The following DNAH9 variants were observed in gnomAD, a reference collection of about 807,000 sequenced individuals.
DNAH9 encodes the protein dynein axonemal heavy chain 9.
Under a neutral mutation model 471.6 loss-of-function variants are expected in DNAH9, and 345 were observed. That is an observed-to-expected ratio of 0.73 (90% CI 0.67 to 0.80). DNAH9 has a LOEUF of 0.80. Among genes scored for constraint, DNAH9 ranks in the 30% least tolerant of loss-of-function variants. DNAH9 has a pLI of 0.00. For missense variants in DNAH9, 5,407 were observed against 5,609.2 expected, an observed-to-expected ratio of 0.96 and a Z score of 1.15; for synonymous variants, 2,093 against 2,123.6, an observed-to-expected ratio of 0.99 and a Z score of 0.40.
rs1377854363 is a variant in DNAH9, at chr17:11,775,915, A to T, written c.7553-5094A>T. Among the ~76,000 whole-genome samples the T allele has an allele frequency of 2.6e-4, 39 of 152,108 alleles. 1 individual carries two copies. The highest frequency in any genetic ancestry group is 2.6e-3 in the Admixed American group (39 of 15,260). On this transcript the variant is annotated intron_variant, in intron 38 of 68. Transcript: ENST00000262442. ...CCAATCAGATGTTCTTTTATAGAGGAGGCAGCTGGCTGATAATACCTGCAT... is the reference window on the plus strand; with the variant it reads ...CCAATCAGATGTTCTTTTATAGAGGTGGCAGCTGGCTGATAATACCTGCAT...
chr17:11,606,316 G>A (rs80208018), intron 1 of DNAH9, among the ~76,000 whole-genome samples: 5,903 of 151,804 alleles, frequency 0.039, 393 homozygotes, highest in African/African-American at 0.13. Flanking sequence ...TTTATATATT[G>A]GTAGCTTCCT....
chr17:11,829,365 T>A (rs1182259447), intron 48 of DNAH9, among the ~76,000 whole-genome samples: 1 of 152,220 alleles, frequency 6.6e-6, no homozygotes, highest in African/African-American at 2.4e-5. Flanking sequence ...GACAAATCTA[T>A]TTAGCAATGA....
At position 11,626,832 on chromosome 17, in the gene DNAH9, C is replaced by T. The variant is rs2072978569; in HGVS notation, c.1351-2585C>T. 6.6e-6 allele frequency among the ~76,000 whole-genome samples: 1 copy of T among 152,026 alleles called. No individual in the cohort carries two copies. Among genetic ancestry groups the T allele is most frequent in the Non-Finnish European group, 1.5e-5 (1 of 68,020 alleles). ...TCAGGGTTCCTAGCTCCTCTATCAC[C>T]TTGCTGCTTTTTTTTCTGGAAGTAT... On this transcript the variant is annotated intron_variant, in intron 6 of 68. Coordinates refer to ENST00000262442, the MANE Select transcript of DNAH9 (RefSeq NM_001372.4). The surrounding 1 kb of genome is among the most constrained non-coding windows in gnomAD (Gnocchi z 4.3).
chr17:11,938,470 C>A (rs8075815), intron 66 of DNAH9, among the ~76,000 whole-genome samples: 40,557 of 111,836 alleles, frequency 0.36, 6,718 homozygotes, highest in Middle Eastern at 0.46. Flanking sequence ...AAAAAAAAAA[C>A]AAAAAAAGAA....
At chr17:11,702,812 G>A (rs2074624358) in intron 24 of DNAH9, among the ~76,000 whole-genome samples, 1 of 152,190 alleles carries the variant, frequency 6.6e-6, no homozygotes, top group Admixed American at 6.5e-5. Context: ...ATTCACAGTG[G>A]CTGGGCGTGA....
At chr17:11,656,897 T>C (rs2073661811) in intron 14 of DNAH9, among the ~76,000 whole-genome samples, 1 of 152,158 alleles carries the variant, frequency 6.6e-6, no homozygotes, top group African/African-American at 2.4e-5. Flanking sequence ...TTGAGATTTA[T>C]CCATATTGTT....
At chr17:11,621,641 G>T (rs1313754044) in intron 6 of DNAH9, among the ~76,000 whole-genome samples, 1 of 152,162 alleles carries the variant, frequency 6.6e-6, no homozygotes, top group African/African-American at 2.4e-5. Flanking sequence ...GCTAGGAACT[G>T]AGATACAAAG....
chr17:11,733,939 G>A (rs968133734), intron 28 of DNAH9, among the ~76,000 whole-genome samples: 3 of 151,846 alleles, frequency 2.0e-5, no homozygotes, highest in Non-Finnish European at 2.9e-5. Flanking sequence ...TCAAAGATGT[G>A]CAATTGCAAG....
Position 11,745,070 on chromosome 17 carries a change from A to C in DNAH9, c.6385A>C (p.Asn2129His), listed in dbSNP as rs771315061. The change falls in exon 31 of 69, where the codon AAC becomes CAC. Residue 2129 changes from asparagine to histidine, a missense_variant. Physicochemically the swap from Asn to His is moderately conservative, Grantham distance 68 (BLOSUM62 1). Coordinates refer to ENST00000262442, the MANE Select transcript of DNAH9 (RefSeq NM_001372.4). ...IVDLKLQAEDNFVLKVVQLEE... is the reference protein window; with the variant it reads ...IVDLKLQAEDHFVLKVVQLEE... Reference sequence around the variant, plus strand: ...GGATCTGAAGCTCCAGGCTGAGGACAACTTTGTGCTCAAGGTACATGTGGT... The same window carrying C: ...GGATCTGAAGCTCCAGGCTGAGGACCACTTTGTGCTCAAGGTACATGTGGT... 6.2e-7 allele frequency: 1 copy of C among 1,612,534 alleles called. No homozygotes were observed.
intron 33 of DNAH9, among the ~76,000 whole-genome samples, chr17:11,754,418 G>A (rs919489479): frequency 1.3e-5 from 2 of 152,154 alleles, no homozygotes. Flanking sequence ...TTCCACAATG[G>A]ATAAACTAAT....
chr17:11,720,704 A>T (rs1195427868), intron 27 of DNAH9, among the ~76,000 whole-genome samples: 4 of 152,204 alleles, frequency 2.6e-5, no homozygotes, highest in Non-Finnish European at 1.5e-5. Context: ...CTATAATTTA[A>T]TCATTTCTGT....
In DNAH9 at chr17:11,886,918, A is replaced by AT; in HGVS notation, c.11066dup (p.Met3689IlefsTer32). The AT allele has an allele frequency of 6.2e-7, 1 of 1,613,128 alleles. No individual in the cohort carries two copies. The highest frequency in any genetic ancestry group is 8.5e-7 in the Non-Finnish European group (1 of 1,179,600). On this transcript the variant is annotated frameshift_variant, in exon 57 of 69. Coordinates refer to ENST00000262442, the MANE Select transcript of DNAH9 (RefSeq NM_001372.4). LOFTEE classifies it high-confidence loss of function. The stretch of plus-strand genomic sequence containing the variant: ...CAGGGCCTCACTGCTCTACTTCATC[A>AT]TGAACGACCTCAGCAAGATCCATCC...
At chr17:11,763,869 T>C (rs777662623) in intron 36 of DNAH9, among the ~76,000 whole-genome samples, 5 of 152,240 alleles carry the variant, frequency 3.3e-5, no homozygotes, top group Non-Finnish European at 7.3e-5. Flanking sequence ...TTTGATTTCT[T>C]GGGAACTTAT....
chr17:11,709,209 C>T (rs1210731655), intron 26 of DNAH9, among the ~76,000 whole-genome samples: 1 of 152,156 alleles, frequency 6.6e-6, no homozygotes, highest in Non-Finnish European at 1.5e-5. Context: ...TTTATGGCCT[C>T]TACTGTGAAA....
Position 11,902,891 on chromosome 17 carries a change from A to G in DNAH9, c.11579A>G (p.Asp3860Gly). The change falls in exon 60 of 69, where the codon GAC becomes GGC. Residue 3860 changes from aspartate (D) to glycine (G), a missense_variant. Physicochemically the swap from Asp to Gly is moderately conservative, Grantham distance 94 (BLOSUM62 -1). Coordinates refer to ENST00000262442, the MANE Select transcript of DNAH9 (RefSeq NM_001372.4). ...TGCATGCTGAGAGCCATGCGGCCCG[A>G]CCGGATGACCTATGCTTTGCGGTAG... ...RLCMLRAMRP[D>G]RMTYALRDFV... 1 of 1,613,574 alleles carries G rather than the reference A, an allele frequency of 6.2e-7. No homozygotes were observed. The highest frequency in any genetic ancestry group is 8.5e-7 in the Non-Finnish European group (1 of 1,179,816).
chr17:11,655,657 C>G (rs1567695820), intron 14 of DNAH9, among the ~76,000 whole-genome samples: 1 of 151,030 alleles, frequency 6.6e-6, no homozygotes, highest in Non-Finnish European at 1.5e-5. Context: ...GACACACACA[C>G]ACACACCATG....
intron 14 of DNAH9, among the ~76,000 whole-genome samples, chr17:11,657,514 TATTG>T (rs1316456480): frequency 6.6e-6 from 1 of 152,110 alleles, no homozygotes; most frequent in Non-Finnish European, 1.5e-5. Flanking sequence ...CTTATATTCT[TATTG>T]ATATATGTTG....
In DNAH9 at chr17:11,679,979, G is replaced by T. The variant is rs772242694; in HGVS notation, c.3576G>T (p.Glu1192Asp). The part of the protein sequence containing the change: ...ELPETVFKQL[E>D]ELPEKWNNIK... The stretch of plus-strand genomic sequence containing the variant: ...CAGAAACAGTGTTTAAGCAGCTGGA[G>T]GTCAGTGCATTTATGTCTTCCTTAT... Residue 1192 changes from glutamate to aspartate, a missense_variant and splice_region_variant, in exon 18 of 69, where the codon GAG becomes GAT. Physicochemically the swap from Glu to Asp is conservative, Grantham distance 45 (BLOSUM62 2). This residue lies in a region of DNAH9 where 4,636 missense variants were observed against 4,900.3 expected (regional missense o/e 0.95). Transcript: ENST00000262442. 1 of 1,611,180 alleles carries T rather than the reference G, an allele frequency of 6.2e-7. No homozygotes were observed.
chr17:11,947,785 T>A (rs1248004887), intron 67 of DNAH9, among the ~76,000 whole-genome samples: 4 of 141,912 alleles, frequency 2.8e-5, no homozygotes, highest in Admixed American at 1.4e-4. Flanking sequence ...TTTTTTTTTT[T>A]TTTTTTTTTT....
Sources: gnomAD v4.1 joint callset for allele counts (sites outside exome capture counted in the v4.1 genomes callset) on GRCh38, gnomAD v4.1.1 for gene constraint, gnomAD v4.1.1 regional missense constraint, Gnocchi (gnomAD v3.1) non-coding constraint, MANE v1.5 for transcripts, NCBI Gene and HGNC (gene_info 2026-07-23, HGNC 2026-07-21) for gene names.